DST: variants seen among roughly 807,000 people sequenced by gnomAD.
The protein encoded by DST is bullous pemphigoid antigen.
In DST, 253 loss-of-function variants were observed where a neutral mutation model predicts 875.2. The ratio of observed to expected loss-of-function variants is 0.29; its 90% CI spans 0.26 to 0.32. The LOEUF (loss-of-function observed/expected upper bound fraction) is 0.32. Ranked by LOEUF, DST falls within the 10% of genes least tolerant of loss-of-function variation. The pLI, the probability that DST is intolerant of heterozygous loss-of-function variation, is 1.00. For missense variants in DST, 8,287 were observed against 9,111.6 expected (o/e 0.91, Z 3.68); for synonymous variants, 3,124 against 3,197.1 (o/e 0.98, Z 0.77).
intron 35 of DST, 106 bp downstream of exon 35, chr6:56,625,051 G>GT (rs2098721344): frequency 1.2e-6 from 1 of 805,482 alleles, no homozygotes; most frequent in Non-Finnish European, 2.1e-6. Flanking sequence ...TGTTAAAATA[G>GT]TAAGTTTTAT....
rs1554267211 is a variant in DST at position 56,934,560 on chromosome 6, T to TTATATTA, written c.216+19224_216+19225insTAATATA. ...TAAAATATACATATTATATATTATA[T>TTATATTA]TATATATATATATATATATATATAT... On this transcript the variant is annotated intron_variant, in intron 2 of 103. Transcript: ENST00000680361. Among the ~76,000 whole-genome samples, 157 of 106,484 alleles carry TTATATTA rather than the reference T, an allele frequency of 1.5e-3. 1 individual carries two copies. The highest frequency in any genetic ancestry group is 5.3e-3 in the African/African-American group (151 of 28,392). 69.9% of individuals were successfully genotyped at this position (106,484 alleles called of 152,430 possible). A position where few individuals can be genotyped will look rare whatever the true frequency, so the allele number is the denominator to read the frequency against.
intron 4 of DST, chr6:56,843,229 G>A: frequency 7.5e-7 from 1 of 1,340,966 alleles, no homozygotes; most frequent in Non-Finnish European, 9.8e-7. Context: ...GCAAGACACA[G>A]CCTTGGGAAC....
At chr6:56,517,126 T>C in intron 71 of DST, 72 bp downstream of exon 71, 1 of 1,094,676 alleles carries the variant, frequency 9.1e-7, no homozygotes, top group South Asian at 1.3e-5. Context: ...AGAAGTGTTT[T>C]TCTAGGACTG....
intron 58 of DST, among the ~76,000 whole-genome samples, chr6:56,559,876 A>T (rs2097507087): frequency 6.6e-6 from 1 of 152,138 alleles, no homozygotes; most frequent in Admixed American, 6.6e-5. Context: ...ATGGAGCAGG[A>T]GGGGTCCCAG....
intron 17 of DST, 92 bp downstream of exon 17, chr6:56,641,855 C>CCAA: frequency 1.0e-6 from 1 of 1,002,060 alleles, no homozygotes. Flanking sequence ...AAATATATTT[C>CCAA]ATAAAATTTT....
Position 56,943,358 on chromosome 6 carries a change from A to G in DST, c.216+10427T>C, listed in dbSNP as rs1338618952. ...TATCAAACTTTGATTTAAAACTCTC[A>G]AAGGATGAAAGTCCTTTAAATTAAA... On this transcript the variant is annotated intron_variant, in intron 2 of 103. Transcript: ENST00000680361. Among the ~76,000 whole-genome samples the G allele has an allele frequency of 2.0e-5, 3 of 151,444 alleles. No individual in the cohort carries two copies. The East Asian group carries it at 5.8e-4, about 29-fold the overall frequency.
At chr6:56,878,842 T>C (rs1182282052) in intron 3 of DST, among the ~76,000 whole-genome samples, 1 of 152,046 alleles carries the variant, frequency 6.6e-6, no homozygotes, top group East Asian at 1.9e-4. Flanking sequence ...AGGCAAAAAA[T>C]ATTAACGTTG....
intron 4 of DST, among the ~76,000 whole-genome samples, chr6:56,780,333 G>C (rs564090974): frequency 6.6e-6 from 1 of 152,028 alleles, no homozygotes; most frequent in East Asian, 1.9e-4. Flanking sequence ...CTAGTTTACA[G>C]TCCCACCAAG....
chr6:56,783,130 A>G (rs945915794), intron 4 of DST, among the ~76,000 whole-genome samples: 1 of 151,822 alleles, frequency 6.6e-6, no homozygotes, highest in South Asian at 2.1e-4. Context: ...TGCTGAGGAG[A>G]GCTTTACTTC....
intron 9 of DST, among the ~76,000 whole-genome samples, chr6:56,680,698 C>T (rs1194475700): frequency 6.6e-6 from 1 of 152,180 alleles, no homozygotes; most frequent in Non-Finnish European, 1.5e-5. Flanking sequence ...ACATTATTCC[C>T]CAGGGCATAG....
At position 56,561,538 on chromosome 6, in the gene DST, T is replaced by A. The variant is rs777186612; in HGVS notation, c.14080A>T (p.Ile4694Phe). Residue 4694 changes from isoleucine (I) to phenylalanine (F), a missense_variant, in exon 57 of 104, where the codon ATT becomes TTT. Transcript: ENST00000680361. Reference sequence around the variant, plus strand: ...CTTATGTCAGTCATGTCCTTTTTAATGGATGTTAAACCTAGGAGTAAGAAA... The same window carrying A: ...CTTATGTCAGTCATGTCCTTTTTAAAGGATGTTAAACCTAGGAGTAAGAAA... ...EFWANKGLTS[I>F]KKDMTDISHG... 3.1e-6 allele frequency: 5 copies of A among 1,612,808 alleles called. No homozygotes were observed. The African/African-American group carries it at 5.3e-5, about 17-fold the overall frequency.
Position 56,751,532 on chromosome 6 carries a change from G to T in DST, c.626-16243C>A, listed in dbSNP as rs115823840. On this transcript the variant is annotated intron_variant, in intron 4 of 103. Coordinates refer to ENST00000680361, the MANE Select transcript of DST (RefSeq NM_001374736.1). ...CAATTTGTACAATACTTTTTAAAATGTGTGACACTACTGCTGGTGTCAGCT... is the reference window on the plus strand; with the variant it reads ...CAATTTGTACAATACTTTTTAAAATTTGTGACACTACTGCTGGTGTCAGCT... Among the ~76,000 whole-genome samples, 1,186 of 152,182 alleles carry T rather than the reference G, an allele frequency of 7.8e-3. 16 individuals carry two copies. The highest frequency in any genetic ancestry group is 0.027 in the African/African-American group (1,123 of 41,518).
At chr6:56,542,431 A>T (rs1200783476) in intron 61 of DST, 2 of 27,782 alleles carry the variant, frequency 7.2e-5, no homozygotes, top group African/African-American at 1.3e-4. Context: ...GCTTCTTTAA[A>T]AAAAAAAAAA....
rs114444339 is a variant in DST, at chr6:56,906,597, A to T, written c.217-5976T>A. On this transcript the variant is annotated intron_variant, in intron 2 of 103. Transcript: ENST00000680361. ...TGTAGACGTCACACCTGATCAAATC[A>T]ATCTGTGAGCCCTACAAAAATCAGA... is the stretch of plus-strand genomic sequence containing the variant. Among the ~76,000 whole-genome samples the T allele has an allele frequency of 9.1e-3, 1,382 of 152,212 alleles. 23 individuals carry two copies. The highest frequency in any genetic ancestry group is 0.031 in the African/African-American group (1,294 of 41,524).
At chr6:56,921,438 T>C (rs1312492225) in intron 2 of DST, among the ~76,000 whole-genome samples, 1 of 152,198 alleles carries the variant, frequency 6.6e-6, no homozygotes, top group Non-Finnish European at 1.5e-5. Context: ...GCATAATCTA[T>C]GGATGAACTT....
chr6:56,951,829 A>C (rs1300294899), intron 2 of DST, among the ~76,000 whole-genome samples: 1 of 152,212 alleles, frequency 6.6e-6, no homozygotes, highest in African/African-American at 2.4e-5. Context: ...GGCAATTTTT[A>C]AAAGCCTGCA....
chr6:56,600,365 C>T, intron 44 of DST, 144 bp from the exon 45 acceptor site: 1 of 705,136 alleles, frequency 1.4e-6, no homozygotes, highest in South Asian at 2.0e-5. Context: ...CAGTAGGGTA[C>T]AAACTGAGCA....
At chr6:56,619,024 C>T (rs1358749611) in intron 36 of DST, 1 of 1,613,958 alleles carries the variant, frequency 6.2e-7, no homozygotes, top group African/African-American at 1.3e-5. Context: ...TGATAATGTT[C>T]TGTTGGTCAC....
chr6:56,606,642 T>C lies in DST; in HGVS notation c.7986A>G (p.Ser2662=). 1 of 1,613,638 alleles carries C rather than the reference T, an allele frequency of 6.2e-7. No homozygotes were observed. Among genetic ancestry groups the C allele is most frequent in the Non-Finnish European group, 8.5e-7 (1 of 1,179,654 alleles). ...ASPADVFYDV[S]KENENSMVPQ... is the part of the protein sequence containing the mutation. ...GAACCATGGAATTTTCATTCTCTTT[T>C]GAGACATCATAAAAAACATCAGCAG... Residue 2662 remains serine, a synonymous_variant, in exon 40 of 104, where the codon TCA becomes TCG. Coordinates refer to ENST00000680361, the MANE Select transcript of DST (RefSeq NM_001374736.1).
Sources: gnomAD v4.1 joint callset for allele counts (sites outside exome capture counted in the v4.1 genomes callset) on GRCh38, gnomAD v4.1.1 for gene constraint, MANE v1.5 for transcripts, NCBI Gene and HGNC (gene_info 2026-07-23, HGNC 2026-07-21) for gene names.